Variants in TBC1D23 observed in about 807,000 individuals in gnomAD.
The protein encoded by TBC1D23 is TBC1 domain family member 23.
A neutral mutation model predicts 91.4 loss-of-function variants in TBC1D23; 55 were observed. The ratio of observed to expected loss-of-function variants is 0.60; its 90% CI spans 0.48 to 0.75. The LOEUF (loss-of-function observed/expected upper bound fraction) is 0.75, where lower values mean the gene tolerates loss of function less well. Ranked by LOEUF, TBC1D23 falls within the 30% of genes least tolerant of loss-of-function variation. The probability of loss-of-function intolerance (pLI) is 0.00; values close to 1 mark genes in which losing one functional copy is unlikely to be tolerated. For missense variants in TBC1D23, 725 were observed against 836.1 expected (o/e 0.87, Z 1.64); for synonymous variants, 289 against 281.0 (o/e 1.03, Z -0.28).
chr3:100,296,740 G>A (rs2148862310), intron 8 of TBC1D23, among the ~76,000 whole-genome samples: 1 of 151,684 alleles, frequency 6.6e-6, no homozygotes, highest in Non-Finnish European at 1.5e-5. Context: ...GGCGCCTGTA[G>A]TCCCAGCTAC....
chr3:100,313,191 A>C (rs1705660801), intron 15 of TBC1D23, among the ~76,000 whole-genome samples: 1 of 152,160 alleles, frequency 6.6e-6, no homozygotes, highest in African/African-American at 2.4e-5. Flanking sequence ...CTATTTGTGA[A>C]TCATCCTTTC....
chr3:100,310,464 T>G lies in TBC1D23; in HGVS notation c.1475T>G (p.Val492Gly). The G allele has an allele frequency of 6.2e-7, 1 of 1,613,568 alleles. No individual in the cohort carries two copies. The highest frequency in any genetic ancestry group is 8.5e-7 in the Non-Finnish European group (1 of 1,179,596). ...AAATCACTAGTAAATAAAATGACTG[T>G]GGCTTTGAAGACAAAATCCGTTAAT... ...GMKSLVNKMT[V>G]ALKTKSVNVR... The change falls in exon 14 of 19, where the codon GTG becomes GGG. Residue 492 changes from valine (V) to glycine (G), a missense_variant. Physicochemically the swap from Val to Gly is moderately radical, Grantham distance 109. Coordinates refer to ENST00000394144, the MANE Select transcript of TBC1D23 (RefSeq NM_001199198.3).
At chr3:100,265,992 T>A (rs2067554430) in intron 1 of TBC1D23, among the ~76,000 whole-genome samples, 1 of 152,140 alleles carries the variant, frequency 6.6e-6, no homozygotes, top group African/African-American at 2.4e-5. Flanking sequence ...ATTTCAGATA[T>A]GATATAATCA....
At chr3:100,284,678 G>A (rs549277731) in intron 4 of TBC1D23, among the ~76,000 whole-genome samples, 26 of 152,090 alleles carry the variant, frequency 1.7e-4, no homozygotes, top group Non-Finnish European at 3.2e-4. Context: ...AGTGGGGGTC[G>A]TGGTGGTGGG....
Position 100,296,204 on chromosome 3 carries a change from A to G in TBC1D23, c.805A>G (p.Ile269Val), listed in dbSNP as rs1234020628. 2 of 1,599,550 alleles carry G rather than the reference A, an allele frequency of 1.3e-6. No homozygotes were observed. The highest frequency in any genetic ancestry group is 1.7e-6 in the Non-Finnish European group (2 of 1,172,980). Reference protein sequence around the residue: ...FLENTPSSLNIEDIEDLFSLA... With the variant: ...FLENTPSSLNVEDIEDLFSLA... ...GGAAAATACTCCATCCAGTCTGAAT[A>G]TAGAAGATATAGAAGACCTTTTCTC... Residue 269 changes from isoleucine to valine, a missense_variant, in exon 8 of 19, where the codon ATA becomes GTA. Ile to Val is a conservative substitution (Grantham distance 29). Transcript: ENST00000394144.
intron 1 of TBC1D23, among the ~76,000 whole-genome samples, chr3:100,270,073 T>G (rs1465249347): frequency 6.6e-6 from 1 of 152,212 alleles, no homozygotes; most frequent in Non-Finnish European, 1.5e-5. Flanking sequence ...CGCTCCCACC[T>G]CTGTTCAACA....
chr3:100,300,564 T>A (rs1195240862), intron 10 of TBC1D23, among the ~76,000 whole-genome samples: 1 of 150,950 alleles, frequency 6.6e-6, no homozygotes, highest in Non-Finnish European at 1.5e-5. Flanking sequence ...TACAGTGTTA[T>A]GATCTTGGCT....
At chr3:100,319,345 G>C in intron 17 of TBC1D23, 141 bp downstream of exon 17, 2 of 689,728 alleles carry the variant, frequency 2.9e-6, no homozygotes, top group South Asian at 2.2e-5. Flanking sequence ...TACAGGTCTT[G>C]AATTTACAGT....
At chr3:100,279,328 G>A (rs891995987) in intron 1 of TBC1D23, 2 of 194,766 alleles carry the variant, frequency 1.0e-5, no homozygotes, top group African/African-American at 2.3e-5. Flanking sequence ...TAGTTGCTAT[G>A]TAAAGTTATT....
At chr3:100,303,561 A>G (rs1304778811) in intron 11 of TBC1D23, among the ~76,000 whole-genome samples, 1 of 152,166 alleles carries the variant, frequency 6.6e-6, no homozygotes, top group African/African-American at 2.4e-5. Context: ...ACTTGAGCCC[A>G]GGAGTTCAAG....
chr3:100,300,748 C>T (rs1362097576), intron 10 of TBC1D23, among the ~76,000 whole-genome samples: 1 of 152,066 alleles, frequency 6.6e-6, no homozygotes, highest in African/African-American at 2.4e-5. Context: ...GATCTGCCCA[C>T]CTTGGCCTCC....
chr3:100,279,817 G>T, intron 2 of TBC1D23, 57 bp downstream of exon 2: 3 of 1,139,724 alleles, frequency 2.6e-6, no homozygotes, highest in Non-Finnish European at 3.8e-6. Context: ...ATTTTTAAAA[G>T]TTTGTTGCTT....
chr3:100,293,912 A>C (rs1341589449), intron 5 of TBC1D23, among the ~76,000 whole-genome samples: 1 of 152,226 alleles, frequency 6.6e-6, no homozygotes, highest in Non-Finnish European at 1.5e-5. Context: ...AGATATTTTT[A>C]ATGATACGTG....
chr3:100,275,113 C>T (rs2067637916), intron 1 of TBC1D23, among the ~76,000 whole-genome samples: 1 of 152,132 alleles, frequency 6.6e-6, no homozygotes, highest in African/African-American at 2.4e-5. Context: ...TACCGTTTTC[C>T]ATAGTGGCTG....
chr3:100,290,067 T>G (rs1487599531), intron 4 of TBC1D23, among the ~76,000 whole-genome samples: 1 of 152,208 alleles, frequency 6.6e-6, no homozygotes, highest in Admixed American at 6.5e-5. Context: ...TTTTGGCACC[T>G]TCTGGAATTT....
intron 1 of TBC1D23, among the ~76,000 whole-genome samples, chr3:100,272,208 C>A (rs2067605413): frequency 6.6e-6 from 1 of 152,140 alleles, no homozygotes; most frequent in African/African-American, 2.4e-5. Context: ...GCCTGTTTAT[C>A]CTTCCAATAT....
At chr3:100,279,806 T>C (rs1200804351) in intron 2 of TBC1D23, 46 bp downstream of exon 2, 3 of 1,236,912 alleles carry the variant, frequency 2.4e-6, no homozygotes, top group Non-Finnish European at 3.4e-6. Context: ...TGAAGAATAA[T>C]ATTTTTAAAA....
rs938318784 is a variant in TBC1D23 at position 100,314,741 on chromosome 3, G to C, written c.1599-1358G>C. ...TGCAGTGAGCTAAGATTGCGCCACT[G>C]TACTCTAGCCTGGGTGACGGAGTGA... On this transcript the variant is annotated intron_variant, in intron 15 of 18. Coordinates refer to ENST00000394144, the MANE Select transcript of TBC1D23 (RefSeq NM_001199198.3). 4.6e-5 allele frequency among the ~76,000 whole-genome samples: 7 copies of C among 152,200 alleles called. No homozygotes were observed. The East Asian group carries it at 1.3e-3, about 29-fold the overall frequency.
chr3:100,320,346 T>C (rs764021795), intron 17 of TBC1D23, among the ~76,000 whole-genome samples: 4 of 152,174 alleles, frequency 2.6e-5, no homozygotes, highest in Non-Finnish European at 4.4e-5. Flanking sequence ...TTACAGAATG[T>C]TTACAAAATA....
Sources: gnomAD v4.1 joint callset for allele counts (sites outside exome capture counted in the v4.1 genomes callset) on GRCh38, gnomAD v4.1.1 for gene constraint, MANE v1.5 for transcripts, NCBI Gene and HGNC (gene_info 2026-07-23, HGNC 2026-07-21) for gene names.